The following FOXO4 variants were observed in gnomAD, a reference collection of about 807,000 sequenced individuals.
FOXO4 encodes forkhead box O4.
FOXO4 carries 3 observed loss-of-function variants against 20.8 expected under a neutral mutation model. The ratio of observed to expected loss-of-function variants is 0.14; its 90% confidence interval spans 0.07 to 0.37. FOXO4 has a LOEUF of 0.37. Among genes scored for constraint, FOXO4 ranks in the 10% least tolerant of loss-of-function variants. FOXO4 has a pLI of 1.00. For synonymous variants in FOXO4, 158 were observed against 180.0 expected, an observed-to-expected ratio of 0.88 and a Z score of 0.98; for missense variants, 309 against 431.9, an observed-to-expected ratio of 0.72 and a Z score of 2.52.
Position 71,102,718 on chromosome X carries a change from C to T in FOXO4, c.*634C>T, listed in dbSNP as rs986270258. 18 of 170,674 alleles carry T rather than the reference C, an allele frequency of 1.1e-4. No individual in the cohort carries two copies. The highest frequency in any genetic ancestry group is 5.4e-4 in the African/African-American group (18 of 33,591). 14.1% of individuals were successfully genotyped at this position (170,674 alleles called of 1,213,427 possible). A position where few individuals can be genotyped will look rare whatever the true frequency, so the allele number is the denominator to read the frequency against. ...ACCATGGCAGGGTGCTAGTGGTGGG[C>T]AGAATGCTTTTTTTTCTTTCTGAAG... On this transcript the variant is annotated 3_prime_UTR_variant, in exon 3 of 3. Transcript: ENST00000374259.
At chrX:71,097,474 C>T (rs964872597) in intron 1 of FOXO4, among the ~76,000 whole-genome samples, 1 of 110,365 alleles carries the variant, frequency 9.1e-6, no homozygotes, top group Admixed American at 9.7e-5. Context: ...ACTGCTCTAC[C>T]CAGGAGGAGG....
chrX:71,096,617 C>A lies in FOXO4; in HGVS notation c.89C>A (p.Ser30Tyr). 8.3e-7 allele frequency: 1 copy of A among 1,210,885 alleles called. No homozygotes were observed. Among genetic ancestry groups the A allele is most frequent in the South Asian group, 1.8e-5 (1 of 56,784 alleles). The change falls in exon 1 of 3, where the codon TCC becomes TAC. Residue 30 changes from serine to tyrosine, a missense_variant. Ser to Tyr is a moderately radical substitution (Grantham distance 144, BLOSUM62 -2). Coordinates refer to ENST00000374259, the MANE Select transcript of FOXO4 (RefSeq NM_005938.4). ...PDFEPQSRPR[S>Y]CTWPLPRPEI... ...TTCGAACCCCAGAGCCGTCCCCGCT[C>A]CTGCACCTGGCCCCTTCCCCGACCA...
At position 71,096,688 on chromosome X, in the gene FOXO4, C is replaced by A; in HGVS notation, c.160C>A (p.Leu54Met). The A allele has an allele frequency of 1.7e-6, 2 of 1,210,450 alleles. No homozygotes were observed. Among genetic ancestry groups the A allele is most frequent in the Non-Finnish European group, 1.1e-6 (1 of 894,826 alleles). ...PSEPPEVEPD[L>M]GEKVHTEGRS... Reference sequence around the variant, plus strand: ...CGAGCCGCCCGAGGTGGAGCCAGATCTGGGGGAAAAGGTACACACGGAGGG... The same window carrying A: ...CGAGCCGCCCGAGGTGGAGCCAGATATGGGGGAAAAGGTACACACGGAGGG... The change falls in exon 1 of 3, where the codon CTG (leucine) becomes ATG (methionine). Residue 54 changes from leucine (L) to methionine (M), a missense_variant. Physicochemically the swap from Leu to Met is conservative, Grantham distance 15. Around this residue, in one of 3 missense-constraint regions of FOXO4, gnomAD observed 81 missense variants for 94.2 expected, o/e 0.86. Transcript: ENST00000374259.
Position 71,096,153 on chromosome X carries a change from G to C in FOXO4, c.-376G>C, listed in dbSNP as rs922356983. 9.7e-6 allele frequency: 2 copies of C among 206,672 alleles called. No individual in the cohort carries two copies. Among genetic ancestry groups the C allele is most frequent in the Non-Finnish European group, 1.7e-5 (2 of 114,421 alleles). The allele number at this position is 206,672 out of a possible 1,213,427, so 17.0% of individuals were successfully genotyped here. On this transcript the variant is annotated 5_prime_UTR_variant, in exon 1 of 3. Transcript: ENST00000374259. ...GTGTCCGGGGGGCAGCAACTTAAAAGGGGGAGGGAACTGCGGCTAAGGAGA... is the reference window on the plus strand; with the variant it reads ...GTGTCCGGGGGGCAGCAACTTAAAACGGGGAGGGAACTGCGGCTAAGGAGA...
chrX:71,096,125 G>A lies in FOXO4; in HGVS notation c.-404G>A. 5.7e-6 allele frequency: 1 copy of A among 176,774 alleles called. No individual in the cohort carries two copies. Among genetic ancestry groups the A allele is most frequent in the Non-Finnish European group, 1.1e-5 (1 of 94,251 alleles). The allele number at this position is 176,774 out of a possible 1,213,427, so 14.6% of individuals were successfully genotyped here. On this transcript the variant is annotated 5_prime_UTR_variant, in exon 1 of 3. Transcript: ENST00000374259. ...CAATCCGGGTGGAGGAAATTTGGGA[G>A]GAGTGTCCGGGGGGCAGCAACTTAA...
chrX:71,099,472 T>C (rs1258994172), intron 1 of FOXO4: 1 of 111,827 alleles, frequency 8.9e-6, no homozygotes, highest in Non-Finnish European at 1.9e-5. Context: ...ATTGATTATG[T>C]ACTGTGAGCT....
Position 71,101,529 on chromosome X carries a change from G to A in FOXO4, c.1299G>A (p.Met433Ile), listed in dbSNP as rs1425779738. The A allele has an allele frequency of 4.1e-6, 5 of 1,209,970 alleles. No individual in the cohort carries two copies. In the African/African-American group the frequency reaches 8.8e-5, roughly 21 times the overall value. Reference protein sequence around the residue: ...GPSSLVPTLSMIAPPPVMASA... With the variant: ...GPSSLVPTLSIIAPPPVMASA... ...GCAGTCTGGTTCCCACCCTTTCTAT[G>A]ATAGCACCACCTCCAGTCATGGCAA... Residue 433 changes from methionine to isoleucine, a missense_variant, in exon 2 of 3, where the codon ATG (methionine) becomes ATA (isoleucine). Physicochemically the swap from Met to Ile is conservative, Grantham distance 10. Transcript: ENST00000374259.
At chrX:71,098,017 T>G (rs1040153895) in intron 1 of FOXO4, among the ~76,000 whole-genome samples, 1 of 111,039 alleles carries the variant, frequency 9.0e-6, no homozygotes, top group Non-Finnish European at 1.9e-5. Context: ...TATTTCTGGG[T>G]AGACTGCCAC....
chrX:71,102,151 C>T lies in FOXO4; in HGVS notation c.*67C>T. On this transcript the variant is annotated 3_prime_UTR_variant, in exon 3 of 3. Transcript: ENST00000374259. ...CAGGCGTGTTCATATCTACTCTTTA[C>T]CCTTGAGCCCTCCCCAGGAATTTGG... 1.8e-6 allele frequency: 2 copies of T among 1,099,663 alleles called. No homozygotes were observed. Among genetic ancestry groups the T allele is most frequent in the South Asian group, 3.8e-5 (2 of 52,593 alleles). 90.6% of individuals were successfully genotyped at this position (1,099,663 alleles called of 1,213,427 possible).
rs1370508843 is a variant in FOXO4, at chrX:71,102,220, G to A, written c.*136G>A. Reference sequence around the variant, plus strand: ...GGGTGGGGTCTGGTCACACACAGGTGTTGAAGAAATTATAAAGATAAAGCT... The same window carrying A: ...GGGTGGGGTCTGGTCACACACAGGTATTGAAGAAATTATAAAGATAAAGCT... On this transcript the variant is annotated 3_prime_UTR_variant, in exon 3 of 3. Coordinates refer to ENST00000374259, the MANE Select transcript of FOXO4 (RefSeq NM_005938.4). 1.3e-5 allele frequency: 8 copies of A among 593,248 alleles called. No individual in the cohort carries two copies. Among genetic ancestry groups the A allele is most frequent in the Non-Finnish European group, 1.9e-5 (7 of 366,654 alleles). 48.9% of individuals were successfully genotyped at this position (593,248 alleles called of 1,213,427 possible).
At chrX:71,097,038 C>A in intron 1 of FOXO4, 57 bp downstream of exon 1, 1 of 1,029,190 alleles carries the variant, frequency 9.7e-7, no homozygotes, top group Non-Finnish European at 1.3e-6. Flanking sequence ...GACCCCCTAG[C>A]CTCCCTTACT....
chrX:71,100,468 TTTTATC>T lies in FOXO4; in HGVS notation c.454-212_454-207del, dbSNP rs2092227915. The stretch of plus-strand genomic sequence containing the variant: ...TGCTGTGTTCCAGCACCCTTTTATC[TTTTATC>T]TTTTTCTCTTTTTTTGTAAATTATT... On this transcript the variant is annotated intron_variant, in intron 1 of 2. Coordinates refer to ENST00000374259, the MANE Select transcript of FOXO4 (RefSeq NM_005938.4). Among the ~76,000 whole-genome samples, 3 of 108,090 alleles carry T rather than the reference TTTTATC, an allele frequency of 2.8e-5. No individual in the cohort carries two copies. The South Asian group carries it at 1.2e-3, about 45-fold the overall frequency. 93.9% of individuals were successfully genotyped at this position (108,090 alleles called of 115,157 possible).
In FOXO4 at chrX:71,103,464, T is replaced by C; in HGVS notation, c.*1380T>C. The C allele has an allele frequency of 6.2e-6, 1 of 160,969 alleles. No individual in the cohort carries two copies. The highest frequency in any genetic ancestry group is 1.2e-5 in the Non-Finnish European group (1 of 82,328). The allele number at this position is 160,969 out of a possible 1,213,427, so 13.3% of individuals were successfully genotyped here. A position where few individuals can be genotyped will look rare whatever the true frequency, so the allele number is the denominator to read the frequency against. On this transcript the variant is annotated 3_prime_UTR_variant, in exon 3 of 3. Coordinates refer to ENST00000374259, the MANE Select transcript of FOXO4 (RefSeq NM_005938.4). The stretch of plus-strand genomic sequence containing the variant: ...CGCCTGGCCTACCCAGATTGTATCA[T>C]GTGCTAGATTGGAGTGGGGAAGTGT...
rs1057028718 is a variant in FOXO4 at position 71,096,261 on chromosome X, A to G, written c.-268A>G. 2 of 408,103 alleles carry G rather than the reference A, an allele frequency of 4.9e-6. No homozygotes were observed. The highest frequency in any genetic ancestry group is 4.1e-5 in the East Asian group (1 of 24,212). The allele number at this position is 408,103 out of a possible 1,213,427, so 33.6% of individuals were successfully genotyped here. A position where few individuals can be genotyped will look rare whatever the true frequency, so the allele number is the denominator to read the frequency against. Reference sequence around the variant, plus strand: ...CAGGAAGCTGAGTGAGAGGTTGCAGAAAAAGTGTCTTCGCTCGGCAGAGGT... The same window carrying G: ...CAGGAAGCTGAGTGAGAGGTTGCAGGAAAAGTGTCTTCGCTCGGCAGAGGT... On this transcript the variant is annotated 5_prime_UTR_variant, in exon 1 of 3. Transcript: ENST00000374259.
chrX:71,099,651 A>G (rs781711728), intron 1 of FOXO4, among the ~76,000 whole-genome samples: 1 of 111,928 alleles, frequency 8.9e-6, no homozygotes, highest in Admixed American at 9.5e-5. Flanking sequence ...GCAGATTTTA[A>G]AAATACTATA....
At chrX:71,097,284 C>G (rs2092220671) in intron 1 of FOXO4, among the ~76,000 whole-genome samples, 1 of 111,655 alleles carries the variant, frequency 9.0e-6, no homozygotes, top group South Asian at 3.7e-4. Context: ...GCCCCAAACA[C>G]TTATTCCCAC....
At chrX:71,100,181 C>A (rs1044968848) in intron 1 of FOXO4, among the ~76,000 whole-genome samples, 1 of 107,972 alleles carries the variant, frequency 9.3e-6, no homozygotes, top group African/African-American at 3.4e-5. Context: ...CCGCTCCCCC[C>A]ACCCCCCGCA....
chrX:71,101,245 C>G lies in FOXO4; in HGVS notation c.1015C>G (p.His339Asp), dbSNP rs2092230509. The change falls in exon 2 of 3, where the codon CAC becomes GAC. Residue 339 changes from histidine to aspartate, a missense_variant. By Grantham distance (81) the His-to-Asp change is moderately conservative. Around this residue, in one of 3 missense-constraint regions of FOXO4, gnomAD observed 223 missense variants for 302.7 expected, o/e 0.74. Transcript: ENST00000374259. Reference sequence around the variant, plus strand: ...GCATCCTGGGGTTACCGGCCCCTTACACACCTACAGCAGCTCCCTTTTCAG... The same window carrying G: ...GCATCCTGGGGTTACCGGCCCCTTAGACACCTACAGCAGCTCCCTTTTCAG... Reference protein sequence around the residue: ...LQHPGVTGPLHTYSSSLFSPA... With the variant: ...LQHPGVTGPLDTYSSSLFSPA... 1 of 1,211,616 alleles carries G rather than the reference C, an allele frequency of 8.3e-7. No homozygotes were observed. The highest frequency in any genetic ancestry group is 1.7e-5 in the African/African-American group (1 of 57,719).
rs752546328 is a variant in FOXO4 at position 71,102,225 on chromosome X, A to G, written c.*141A>G. The G allele has an allele frequency of 4.0e-5, 23 of 576,646 alleles. No individual in the cohort carries two copies. Among genetic ancestry groups the G allele is most frequent in the Non-Finnish European group, 6.0e-5 (21 of 351,261 alleles). 47.5% of individuals were successfully genotyped at this position (576,646 alleles called of 1,213,427 possible). ...GGGTCTGGTCACACACAGGTGTTGA[A>G]GAAATTATAAAGATAAAGCTGCCCC... is the stretch of plus-strand genomic sequence containing the variant. On this transcript the variant is annotated 3_prime_UTR_variant, in exon 3 of 3. Coordinates refer to ENST00000374259, the MANE Select transcript of FOXO4 (RefSeq NM_005938.4).
Sources: gnomAD v4.1 joint callset for allele counts (sites outside exome capture counted in the v4.1 genomes callset) on GRCh38, gnomAD v4.1.1 for gene constraint, gnomAD v4.1.1 regional missense constraint, MANE v1.5 for transcripts, NCBI Gene and HGNC (gene_info 2026-07-23, HGNC 2026-07-21) for gene names.